Variants in ZRSR2 observed in about 807,000 individuals in gnomAD.
The protein encoded by ZRSR2 is zinc finger CCCH-type, RNA binding motif and serine/arginine rich 2, also known as U2 small nuclear ribonucleoprotein auxiliary factor 35 kDa subunit-related protein 2.
Under a neutral mutation model 39.4 loss-of-function variants are expected in ZRSR2, and 3 were observed. That is an observed-to-expected ratio of 0.08 (90% CI 0.03 to 0.20). The LOEUF is 0.20. ZRSR2 is among the 10% of genes least tolerant of loss of function. The probability of loss-of-function intolerance (pLI) is 1.00; values close to 1 mark genes in which losing one functional copy is unlikely to be tolerated. For synonymous variants in ZRSR2, 137 were observed against 136.0 expected (o/e 1.01, Z -0.05); for missense variants, 256 against 391.5 (o/e 0.65, Z 2.92).
intron 7 of ZRSR2, among the ~76,000 whole-genome samples, chrX:15,812,022 T>C (rs1020801728): frequency 2.7e-4 from 30 of 111,315 alleles, no homozygotes; most frequent in Non-Finnish European, 4.3e-4. Context: ...CTCCGCCTCC[T>C]GGGTTCGCGC....
At chrX:15,796,794 T>G (rs1252059096) in intron 2 of ZRSR2, among the ~76,000 whole-genome samples, 1 of 80,932 alleles carries the variant, frequency 1.2e-5, no homozygotes, top group Non-Finnish European at 2.4e-5. Context: ...GTTTTTTTTT[T>G]TTTTTTTTTT....
chrX:15,799,015 G>A (rs1055303827), intron 2 of ZRSR2, among the ~76,000 whole-genome samples: 27 of 110,273 alleles, frequency 2.4e-4, no homozygotes, highest in Non-Finnish European at 4.5e-4. Context: ...GTGAAACCCC[G>A]TCTCCACTAA....
intron 5 of ZRSR2, among the ~76,000 whole-genome samples, chrX:15,806,558 C>G (rs1364087797): frequency 2.7e-5 from 3 of 110,599 alleles, no homozygotes; most frequent in African/African-American, 9.9e-5. Flanking sequence ...CCCCGAGTAG[C>G]TGGGATTACA....
intron 2 of ZRSR2, among the ~76,000 whole-genome samples, chrX:15,794,333 C>G (rs1202298821): frequency 9.1e-6 from 1 of 110,476 alleles, no homozygotes; most frequent in East Asian, 2.8e-4. Flanking sequence ...TGACCGCCCC[C>G]CGCCCCTCCC....
At chrX:15,791,144 C>A in intron 2 of ZRSR2, 131 bp downstream of exon 2, 1 of 539,463 alleles carries the variant, frequency 1.9e-6, no homozygotes, top group Non-Finnish European at 3.1e-6. Context: ...CTTCTGCCCC[C>A]AAGTAGTTAT....
chrX:15,801,435 G>T (rs947902459), intron 3 of ZRSR2: 3 of 286,683 alleles, frequency 1.0e-5, no homozygotes, highest in Admixed American at 3.6e-5. Context: ...GTTTCACCAT[G>T]TTGGCCAGGA....
At chrX:15,803,588 T>G in intron 3 of ZRSR2, 100 bp from the exon 4 acceptor site, 1 of 1,027,333 alleles carries the variant, frequency 9.7e-7, no homozygotes, top group Non-Finnish European at 1.3e-6. Context: ...TTTCGTGATA[T>G]TTGAATCAGT....
chrX:15,793,833 C>T (rs774273842), intron 2 of ZRSR2, among the ~76,000 whole-genome samples: 3 of 112,491 alleles, frequency 2.7e-5, no homozygotes, highest in South Asian at 3.6e-4. Flanking sequence ...CCACTGCGCC[C>T]GGCCAGGAAC....
chrX:15,792,804 A>G (rs938676331), intron 2 of ZRSR2, among the ~76,000 whole-genome samples: 14 of 112,770 alleles, frequency 1.2e-4, no homozygotes, highest in Non-Finnish European at 2.2e-4. Flanking sequence ...CTGGCTTATA[A>G]TGATTGTCAT....
chrX:15,791,389 T>C (rs902298980), intron 2 of ZRSR2, among the ~76,000 whole-genome samples: 7 of 112,465 alleles, frequency 6.2e-5, no homozygotes, highest in African/African-American at 2.3e-4. Flanking sequence ...TTGCAAGTTT[T>C]TCTCAAACTT....
chrX:15,802,753 C>T (rs375086887), intron 3 of ZRSR2, among the ~76,000 whole-genome samples: 2 of 111,412 alleles, frequency 1.8e-5, no homozygotes, highest in South Asian at 3.8e-4. Context: ...CCATTGCGCC[C>T]GGCCCTCACT....
rs756282571 is a variant in ZRSR2 at position 15,803,365 on chromosome X, T to G, written c.204-323T>G. On this transcript the variant is annotated intron_variant, in intron 3 of 10. Coordinates refer to ENST00000307771, the MANE Select transcript of ZRSR2 (RefSeq NM_005089.4). ...CTTTGAAACTTGCTACCCATTTTAT[T>G]GTCACCTAAACATCACTGTGATCAG... Among the ~76,000 whole-genome samples, 30 of 111,971 alleles carry G rather than the reference T, an allele frequency of 2.7e-4. 1 individual carries two copies. Among genetic ancestry groups the G allele is most frequent in the African/African-American group, 8.8e-4 (27 of 30,808 alleles).
At chrX:15,815,083 C>T (rs1322430124) in intron 7 of ZRSR2, among the ~76,000 whole-genome samples, 3 of 111,657 alleles carry the variant, frequency 2.7e-5, no homozygotes, top group African/African-American at 9.8e-5. Context: ...CATGTATAGG[C>T]TTCCTGAACT....
intron 7 of ZRSR2, among the ~76,000 whole-genome samples, chrX:15,811,912 T>TTTTTA (rs1277206205): frequency 1.8e-5 from 2 of 111,834 alleles, no homozygotes; most frequent in Admixed American, 9.5e-5. Context: ...GCATTTCTTT[T>TTTTTA]TTTTATTTTA....
intron 8 of ZRSR2, among the ~76,000 whole-genome samples, chrX:15,817,234 A>AT (rs1195969811): frequency 9.0e-6 from 1 of 111,560 alleles, no homozygotes. Context: ...ACCACAACGT[A>AT]TTTTTTCTTT....
At chrX:15,820,130 G>A (rs776450768) in intron 9 of ZRSR2, 77 bp from the exon 10 acceptor site, 56 of 824,159 alleles carry the variant, frequency 6.8e-5, no homozygotes, top group Non-Finnish European at 8.9e-5. Flanking sequence ...AATTAATAAC[G>A]GGGTTAATTA....
intron 2 of ZRSR2, among the ~76,000 whole-genome samples, chrX:15,795,905 G>A (rs1176723492): frequency 1.8e-5 from 2 of 112,202 alleles, no homozygotes; most frequent in Non-Finnish European, 3.8e-5. Flanking sequence ...GGTGGATCAC[G>A]AGGTCGGGAC....
intron 10 of ZRSR2, among the ~76,000 whole-genome samples, chrX:15,821,634 T>A (rs1222528608): frequency 2.7e-5 from 3 of 110,903 alleles, no homozygotes; most frequent in Non-Finnish European, 5.7e-5. Flanking sequence ...TATTTTTTTG[T>A]TTGTTTTGGT....
At chrX:15,793,265 C>T (rs1361576818) in intron 2 of ZRSR2, among the ~76,000 whole-genome samples, 1 of 111,392 alleles carries the variant, frequency 9.0e-6, no homozygotes, top group Admixed American at 9.6e-5. Context: ...CCTATAACAG[C>T]TGGTATTTGT....
Sources: allele counts gnomAD v4.1 joint callset (sites outside exome capture counted in the v4.1 genomes callset), GRCh38; gene constraint gnomAD v4.1.1; transcripts MANE v1.5; gene names NCBI Gene and HGNC (gene_info 2026-07-23, HGNC 2026-07-21).